The following MGAT5 variants were observed in gnomAD, a reference collection of about 807,000 sequenced individuals.
The protein encoded by MGAT5 is alpha-1,6-mannosylglycoprotein 6-beta-N-acetylglucosaminyltransferase A.
A neutral mutation model predicts 94.3 loss-of-function variants in MGAT5; 30 were observed. The observed-to-expected ratio is 0.32, with a 90% confidence interval of 0.24 to 0.43. The LOEUF is 0.43. Among genes scored for constraint, MGAT5 ranks in the 20% least tolerant of loss-of-function variants. The pLI, the probability that MGAT5 is intolerant of heterozygous loss-of-function variation, is 1.00. For missense variants in MGAT5, 691 were observed against 905.5 expected (o/e 0.76, Z 3.04); for synonymous variants, 310 against 322.9 (o/e 0.96, Z 0.43).
chr2:134,407,671 T>C (rs1683420147), intron 11 of MGAT5, among the ~76,000 whole-genome samples: 1 of 152,164 alleles, frequency 6.6e-6, no homozygotes, highest in Admixed American at 6.5e-5. Context: ...CTCAAGCAGT[T>C]TTGCCCACAA....
chr2:134,317,325 C>T (rs1001980637), intron 2 of MGAT5, among the ~76,000 whole-genome samples: 1 of 152,102 alleles, frequency 6.6e-6, no homozygotes, highest in Admixed American at 6.5e-5. Context: ...CTCTGGCCAG[C>T]CTGTAGTTGG....
chr2:134,187,246 T>C (rs1689088518), intron 1 of MGAT5, among the ~76,000 whole-genome samples: 1 of 152,134 alleles, frequency 6.6e-6, no homozygotes, highest in Non-Finnish European at 1.5e-5. Flanking sequence ...CTGAGTTGAT[T>C]GGATTTGTTT....
intron 5 of MGAT5, among the ~76,000 whole-genome samples, chr2:134,337,127 A>C: frequency 6.6e-6 from 1 of 152,188 alleles, no homozygotes; most frequent in East Asian, 1.9e-4. Context: ...CAAGGGCTGT[A>C]GTTTGCTGTT....
chr2:134,403,161 T>A (rs2106297879), intron 11 of MGAT5, 24 bp downstream of exon 11: 1 of 1,585,854 alleles, frequency 6.3e-7, no homozygotes. Flanking sequence ...ACGGATGTGG[T>A]GTTCAGGTTA....
intron 1 of MGAT5, among the ~76,000 whole-genome samples, chr2:134,257,621 AG>A (rs1683053063): frequency 6.6e-6 from 1 of 152,198 alleles, no homozygotes; most frequent in African/African-American, 2.4e-5. Context: ...ACTAGGGATT[AG>A]TTAGTATAGT....
intron 1 of MGAT5, among the ~76,000 whole-genome samples, chr2:134,209,170 A>G (rs765779867): frequency 6.5e-5 from 2 of 30,704 alleles, no homozygotes; most frequent in Admixed American, 4.5e-4. Context: ...TTTTTTTTTT[A>G]TTTTTTTTTT....
chr2:134,387,476 TTGTC>T (rs1374625061), intron 10 of MGAT5, among the ~76,000 whole-genome samples: 1 of 151,004 alleles, frequency 6.6e-6, no homozygotes, highest in Non-Finnish European at 1.5e-5. Flanking sequence ...GGGCCTGAGT[TTGTC>T]TGTCTGTAAA....
intron 1 of MGAT5, among the ~76,000 whole-genome samples, chr2:134,223,358 G>A (rs1573555821): frequency 1.3e-5 from 2 of 152,340 alleles, no homozygotes; most frequent in East Asian, 1.9e-4. Flanking sequence ...AGCATTAGCA[G>A]TGAAACAGAT....
chr2:134,292,278 A>G (rs72978105), intron 2 of MGAT5, among the ~76,000 whole-genome samples: 2,664 of 152,268 alleles, frequency 0.017, 89 homozygotes, highest in African/African-American at 0.061. Flanking sequence ...AGGAAAACAC[A>G]TTCTGAGACC....
At chr2:134,313,035 T>G (rs1202191555) in intron 2 of MGAT5, among the ~76,000 whole-genome samples, 1 of 116,122 alleles carries the variant, frequency 8.6e-6, no homozygotes, top group African/African-American at 3.6e-5. Context: ...CAGCAAGAAA[T>G]AAACACACAC....
chr2:134,414,041 G>A (rs1467583953), intron 12 of MGAT5, among the ~76,000 whole-genome samples: 1 of 152,006 alleles, frequency 6.6e-6, no homozygotes, highest in Non-Finnish European at 1.5e-5. Context: ...TCCTGTCATT[G>A]GTGAAATAGC....
At chr2:134,310,488 T>C (rs892096341) in intron 2 of MGAT5, among the ~76,000 whole-genome samples, 2 of 152,184 alleles carry the variant, frequency 1.3e-5, no homozygotes, top group Non-Finnish European at 2.9e-5. Flanking sequence ...GCAATGATGA[T>C]TCTATTTTCA....
intron 1 of MGAT5, among the ~76,000 whole-genome samples, chr2:134,169,159 GA>G (rs1320988736): frequency 1.3e-5 from 2 of 152,180 alleles, no homozygotes; most frequent in Non-Finnish European, 2.9e-5. Flanking sequence ...GGTAGAGTAA[GA>G]ATGTATCAAG....
intron 2 of MGAT5, among the ~76,000 whole-genome samples, chr2:134,287,661 C>T (rs573967533): frequency 1.3e-5 from 2 of 152,324 alleles, no homozygotes; most frequent in Admixed American, 6.5e-5. Flanking sequence ...CAGAACTTTG[C>T]TTCATAGCTA....
chr2:134,363,537 C>T (rs1391705825), intron 10 of MGAT5, among the ~76,000 whole-genome samples: 2 of 152,152 alleles, frequency 1.3e-5, no homozygotes, highest in East Asian at 1.9e-4. Flanking sequence ...TCCCCTCTGC[C>T]CAGGGAACAT....
intron 10 of MGAT5, among the ~76,000 whole-genome samples, chr2:134,376,813 C>T (rs1681205754): frequency 6.6e-6 from 1 of 152,126 alleles, no homozygotes; most frequent in Non-Finnish European, 1.5e-5. Context: ...GGACCGTGAT[C>T]CAAGGATAGG....
intron 1 of MGAT5, among the ~76,000 whole-genome samples, chr2:134,221,165 G>A (rs1270544): frequency 0.41 from 62,828 of 151,960 alleles, 13,515 homozygotes; most frequent in East Asian, 0.64. Flanking sequence ...CACAGCCCTC[G>A]GGAGGTCCTG....
intron 2 of MGAT5, among the ~76,000 whole-genome samples, chr2:134,282,072 G>A (rs556043626): frequency 2.1e-4 from 32 of 152,196 alleles, no homozygotes; most frequent in Non-Finnish European, 4.1e-4. Flanking sequence ...AGATGGTTGT[G>A]TGTTCAGGTT....
rs1681233068 is a variant in MGAT5 at position 134,377,132 on chromosome 2, C to A, written c.1380+14724C>A. Reference sequence around the variant, plus strand: ...TTGGATAAATTAAAAGTGTGCCCAGCTATAATTAGCAAAATACCTCACAAC... The same window carrying A: ...TTGGATAAATTAAAAGTGTGCCCAGATATAATTAGCAAAATACCTCACAAC... On this transcript the variant is annotated intron_variant, in intron 10 of 15. Coordinates refer to ENST00000281923, the MANE Select transcript of MGAT5 (RefSeq NM_002410.5). Among the ~76,000 whole-genome samples the A allele has an allele frequency of 2.6e-5, 4 of 152,326 alleles. No homozygotes were observed. In the South Asian group the frequency reaches 8.3e-4, roughly 32 times the overall value.
Sources: allele counts gnomAD v4.1 joint callset (sites outside exome capture counted in the v4.1 genomes callset), GRCh38; gene constraint gnomAD v4.1.1; transcripts MANE v1.5; gene names NCBI Gene and HGNC (gene_info 2026-07-23, HGNC 2026-07-21).